The following ARL15 variants were observed in gnomAD, a reference collection of about 807,000 sequenced individuals.
ARL15 encodes ARF like GTPase 15.
A neutral mutation model predicts 25.2 loss-of-function variants in ARL15; 19 were observed. The ratio of observed to expected loss-of-function variants is 0.75; its 90% CI spans 0.53 to 1.10. The LOEUF (loss-of-function observed/expected upper bound fraction) is 1.10. Among genes scored for constraint, ARL15 ranks in the 50% least tolerant of loss-of-function variants. The pLI is 0.00. For synonymous variants in ARL15, 94 were observed against 86.8 expected (o/e 1.08, Z -0.46); for missense variants, 220 against 246.0 (o/e 0.89, Z 0.71).
At chr5:53,913,572 T>C (rs1443608193) in intron 4 of ARL15, among the ~76,000 whole-genome samples, 1 of 152,204 alleles carries the variant, frequency 6.6e-6, no homozygotes, top group Non-Finnish European at 1.5e-5. Flanking sequence ...CCTTGACTGC[T>C]CTAGGCCATA....
intron 4 of ARL15, among the ~76,000 whole-genome samples, chr5:53,939,284 G>C (rs540501253): frequency 2.6e-5 from 4 of 152,086 alleles, no homozygotes; most frequent in Non-Finnish European, 4.4e-5. Flanking sequence ...CCTATCTTCT[G>C]TCTCTTCCCC....
chr5:54,153,435 TA>T (rs1754128399), intron 3 of ARL15, among the ~76,000 whole-genome samples: 1 of 152,304 alleles, frequency 6.6e-6, no homozygotes, highest in African/African-American at 2.4e-5. Context: ...TTATTTTTCT[TA>T]AAAGTACAAT....
At chr5:54,118,783 T>C (rs943277731) in intron 3 of ARL15, among the ~76,000 whole-genome samples, 1 of 152,130 alleles carries the variant, frequency 6.6e-6, no homozygotes, top group African/African-American at 2.4e-5. Context: ...CTTGAAGGCC[T>C]AGAAAGATTA....
chr5:54,295,429 G>A (rs770619783), intron 1 of ARL15, among the ~76,000 whole-genome samples: 4 of 152,022 alleles, frequency 2.6e-5, no homozygotes, highest in Non-Finnish European at 4.4e-5. Flanking sequence ...AATAAATAGG[G>A]GCTGCACTCC....
At chr5:54,080,692 G>A (rs1751769699) in intron 4 of ARL15, among the ~76,000 whole-genome samples, 1 of 152,038 alleles carries the variant, frequency 6.6e-6, no homozygotes, top group Non-Finnish European at 1.5e-5. Flanking sequence ...ATATCAAACA[G>A]GGAGTACAAA....
chr5:54,037,994 A>C (rs1750224901), intron 4 of ARL15, among the ~76,000 whole-genome samples: 1 of 152,082 alleles, frequency 6.6e-6, no homozygotes, highest in African/African-American at 2.4e-5. Flanking sequence ...ATAATTTTTT[A>C]TTTAGTAATC....
At chr5:54,121,267 T>C (rs1753065712) in intron 3 of ARL15, among the ~76,000 whole-genome samples, 1 of 152,144 alleles carries the variant, frequency 6.6e-6, no homozygotes, top group South Asian at 2.1e-4. Flanking sequence ...TGCTCTTTCA[T>C]CTTTTAACTG....
chr5:54,183,059 TG>T, intron 1 of ARL15, among the ~76,000 whole-genome samples: 1 of 133,964 alleles, frequency 7.5e-6, no homozygotes, highest in African/African-American at 2.7e-5. Flanking sequence ...GCTGAGACGA[TG>T]GGGTTTTCTA....
chr5:54,212,347 GGAAAAGGGAAAAGGAAGGTA>G (rs1756066598), intron 1 of ARL15, among the ~76,000 whole-genome samples: 2 of 152,252 alleles, frequency 1.3e-5, no homozygotes, highest in East Asian at 1.9e-4. Flanking sequence ...TTTAAGAAGA[GGAAAAGGGAAAAGGAAGGTA>G]GAAAAGGGAA....
At chr5:54,183,277 G>A (rs13176653) in intron 1 of ARL15, among the ~76,000 whole-genome samples, 1,987 of 99,832 alleles carry the variant, frequency 0.02, 22 homozygotes, top group East Asian at 0.07. Context: ...TATGATATTG[G>A]CTGTGGGTTT....
At chr5:54,290,088 T>C (rs1179698743) in intron 1 of ARL15, among the ~76,000 whole-genome samples, 1 of 152,124 alleles carries the variant, frequency 6.6e-6, no homozygotes, top group East Asian at 1.9e-4. Flanking sequence ...TAACCCAGAA[T>C]GGTAACTCTG....
rs7721934 is a variant in ARL15 at position 54,058,836 on chromosome 5, C to T, written c.462+54366G>A. Among the ~76,000 whole-genome samples, 19 of 152,186 alleles carry T rather than the reference C, an allele frequency of 1.2e-4. No individual in the cohort carries two copies. In the East Asian group the frequency reaches 1.5e-3, roughly 12 times the overall value. Reference sequence around the variant, plus strand: ...TCTAACTACAGTTTCAAGGCTCCCTCGGGTTACCATGAGAGAATAGCACAT... The same window carrying T: ...TCTAACTACAGTTTCAAGGCTCCCTTGGGTTACCATGAGAGAATAGCACAT... On this transcript the variant is annotated intron_variant, in intron 4 of 4. Transcript: ENST00000504924.
intron 1 of ARL15, among the ~76,000 whole-genome samples, chr5:54,304,870 G>A (rs755134734): frequency 6.6e-6 from 1 of 151,834 alleles, no homozygotes; most frequent in African/African-American, 2.4e-5. Flanking sequence ...CAATAAAGAA[G>A]TTCAGTTCAC....
chr5:53,903,573 C>G (rs1247645437), intron 4 of ARL15, among the ~76,000 whole-genome samples: 1 of 152,118 alleles, frequency 6.6e-6, no homozygotes, highest in Non-Finnish European at 1.5e-5. Context: ...TCTTCTAAGG[C>G]AAAAGTCAGA....
intron 4 of ARL15, among the ~76,000 whole-genome samples, chr5:53,914,089 G>T (rs1056496173): frequency 6.6e-6 from 1 of 151,796 alleles, no homozygotes; most frequent in African/African-American, 2.4e-5. Context: ...ATATACCAGA[G>T]AGTGGACAGG....
intron 4 of ARL15, among the ~76,000 whole-genome samples, chr5:54,072,581 C>T (rs1484387571): frequency 6.6e-6 from 1 of 152,104 alleles, no homozygotes; most frequent in Non-Finnish European, 1.5e-5. Flanking sequence ...TCCTATCATA[C>T]ATACATTCTC....
chr5:54,133,309 T>G (rs1016434937), intron 3 of ARL15, among the ~76,000 whole-genome samples: 1 of 152,128 alleles, frequency 6.6e-6, no homozygotes, highest in African/African-American at 2.4e-5. Context: ...CTAAACCATA[T>G]TAAAGAGTCG....
At chr5:54,103,102 T>G (rs990643533) in intron 4 of ARL15, among the ~76,000 whole-genome samples, 1 of 152,108 alleles carries the variant, frequency 6.6e-6, no homozygotes, top group African/African-American at 2.4e-5. Flanking sequence ...TAAGCCTAAA[T>G]AAAACAAAAT....
chr5:54,082,069 T>C (rs571186154), intron 4 of ARL15, among the ~76,000 whole-genome samples: 13 of 67,942 alleles, frequency 1.9e-4, no homozygotes, highest in African/African-American at 6.8e-4. Flanking sequence ...CCAGCCTGGG[T>C]AACAAAAAAA....
Sources: gnomAD v4.1 joint callset for allele counts (sites outside exome capture counted in the v4.1 genomes callset) on GRCh38, gnomAD v4.1.1 for gene constraint, MANE v1.5 for transcripts, NCBI Gene and HGNC (gene_info 2026-07-23, HGNC 2026-07-21) for gene names.